PAFAH1B1: variants seen among roughly 807,000 people sequenced by gnomAD.
The protein encoded by PAFAH1B1 is platelet-activating factor acetylhydrolase IB subunit beta.
In PAFAH1B1, 2 loss-of-function variants were observed where a neutral mutation model predicts 57.5. The observed-to-expected ratio is 0.03, with a 90% confidence interval of 0.01 to 0.11. PAFAH1B1 has a LOEUF of 0.11. Among genes scored for constraint, PAFAH1B1 ranks in the 10% least tolerant of loss-of-function variants. The pLI, the probability that PAFAH1B1 is intolerant of heterozygous loss-of-function variation, is 1.00. For missense variants in PAFAH1B1, 257 were observed against 512.0 expected (o/e 0.50, Z 4.81); for synonymous variants, 152 against 169.6 (o/e 0.90, Z 0.81).
At chr17:2,632,075 T>G (rs2068562914) in intron 1 of PAFAH1B1, among the ~76,000 whole-genome samples, 1 of 152,162 alleles carries the variant, frequency 6.6e-6, no homozygotes, top group South Asian at 2.1e-4. Context: ...TTTACTTCGA[T>G]TTGATGTAGC....
At chr17:2,673,507 C>T (rs902316959) in intron 7 of PAFAH1B1, among the ~76,000 whole-genome samples, 5 of 151,932 alleles carry the variant, frequency 3.3e-5, no homozygotes, top group Non-Finnish European at 5.9e-5. Context: ...GGCGTGGTGG[C>T]GGGCGCCTGT....
chr17:2,610,004 T>C (rs1567526429), intron 1 of PAFAH1B1, among the ~76,000 whole-genome samples: 2 of 152,194 alleles, frequency 1.3e-5, no homozygotes, highest in African/African-American at 4.8e-5. Flanking sequence ...TTTGTATTTT[T>C]AGTAGAGGCA....
At chr17:2,639,891 A>G (rs2068674407) in intron 2 of PAFAH1B1, 1 of 151,938 alleles carries the variant, frequency 6.6e-6, no homozygotes, top group African/African-American at 2.4e-5. Flanking sequence ...TATGTTCTAT[A>G]TTTTTACAAT....
chr17:2,655,531 G>A (rs2068925284), intron 2 of PAFAH1B1, among the ~76,000 whole-genome samples: 1 of 152,142 alleles, frequency 6.6e-6, no homozygotes, highest in African/African-American at 2.4e-5. Flanking sequence ...AAAATTAGCT[G>A]GGTGTGGTGG....
intron 2 of PAFAH1B1, among the ~76,000 whole-genome samples, chr17:2,652,499 ACTTT>A: frequency 6.6e-6 from 1 of 152,332 alleles, no homozygotes; most frequent in Non-Finnish European, 1.5e-5. Context: ...GTTGTTGTTT[ACTTT>A]ATTGCTTTAA....
chr17:2,613,382 T>C (rs926335852), intron 1 of PAFAH1B1: 37 of 237,294 alleles, frequency 1.6e-4, no homozygotes, highest in African/African-American at 7.3e-4. Flanking sequence ...GCCCCCTTCA[T>C]AGGGGGAGGT....
chr17:2,615,839 T>A (rs1190520254), intron 1 of PAFAH1B1, among the ~76,000 whole-genome samples: 8 of 152,116 alleles, frequency 5.3e-5, no homozygotes, highest in Admixed American at 5.2e-4. Flanking sequence ...ACATGTTTGA[T>A]CAGTCTGGTG....
chr17:2,683,838 A>G lies in PAFAH1B1; in HGVS notation c.*2036A>G, dbSNP rs563150609. 1 of 152,776 alleles carries G rather than the reference A, an allele frequency of 6.5e-6. No homozygotes were observed. Among genetic ancestry groups the G allele is most frequent in the Admixed American group, 6.5e-5 (1 of 15,308 alleles). 9.5% of individuals were successfully genotyped at this position (152,776 alleles called of 1,614,324 possible). ...TATTTTCTGTCCTATTTTGAGAAAT[A>G]TAAATACATAGAAATGGTGCATCTT... On this transcript the variant is annotated 3_prime_UTR_variant, in exon 11 of 11. Coordinates refer to ENST00000397195, the MANE Select transcript of PAFAH1B1 (RefSeq NM_000430.4).
At chr17:2,650,244 G>T (rs2068830123) in intron 2 of PAFAH1B1, among the ~76,000 whole-genome samples, 1 of 152,108 alleles carries the variant, frequency 6.6e-6, no homozygotes, top group Non-Finnish European at 1.5e-5. Context: ...AGGTGCAGTG[G>T]CTCACGCCTG....
chr17:2,682,706 A>G lies in PAFAH1B1; in HGVS notation c.*904A>G, dbSNP rs2069402408. ...TGTTTTTTAGGGATGTGCAATGTGCATTACATAATGACAGAAATACTGAGA... is the reference window on the plus strand; with the variant it reads ...TGTTTTTTAGGGATGTGCAATGTGCGTTACATAATGACAGAAATACTGAGA... On this transcript the variant is annotated 3_prime_UTR_variant, in exon 11 of 11. Transcript: ENST00000397195. 6.5e-6 allele frequency: 1 copy of G among 152,680 alleles called. No individual in the cohort carries two copies. The highest frequency in any genetic ancestry group is 1.5e-5 in the Non-Finnish European group (1 of 68,052). 9.5% of individuals were successfully genotyped at this position (152,680 alleles called of 1,614,324 possible).
At chr17:2,658,742 G>T (rs914451200) in intron 2 of PAFAH1B1, among the ~76,000 whole-genome samples, 13 of 152,176 alleles carry the variant, frequency 8.5e-5, no homozygotes, top group African/African-American at 2.7e-4. Context: ...TGCTGAACTT[G>T]TACTTGTCCT....
intron 2 of PAFAH1B1, among the ~76,000 whole-genome samples, chr17:2,656,930 T>C (rs973263442): frequency 4.7e-5 from 7 of 148,420 alleles, no homozygotes; most frequent in African/African-American, 1.8e-4. Context: ...TTTAGAGCAG[T>C]TTTTTTTTTG....
At chr17:2,617,232 C>A (rs1440357280) in intron 1 of PAFAH1B1, among the ~76,000 whole-genome samples, 1 of 152,126 alleles carries the variant, frequency 6.6e-6, no homozygotes, top group Non-Finnish European at 1.5e-5. Flanking sequence ...GCAGCACTTG[C>A]CTTTAATACT....
rs189409941 is a variant in PAFAH1B1 at position 2,655,326 on chromosome 17, A to G, written c.33-10046A>G. Among the ~76,000 whole-genome samples, 824 of 152,128 alleles carry G rather than the reference A, an allele frequency of 5.4e-3. 6 individuals carry two copies. The highest frequency in any genetic ancestry group is 0.016 in the South Asian group (79 of 4,820). ...AAAGCCCTTTTACATACCACATCAC[A>G]TTGCATTTCACTGAAAGATGGAGGG... is the stretch of plus-strand genomic sequence containing the variant. On this transcript the variant is annotated intron_variant, in intron 2 of 10. Transcript: ENST00000397195.
intron 1 of PAFAH1B1, among the ~76,000 whole-genome samples, chr17:2,604,809 CA>C (rs369071733): frequency 1.4e-5 from 2 of 147,300 alleles, no homozygotes; most frequent in African/African-American, 2.5e-5. Context: ...GACTCTGTCT[CA>C]AAAAAAAAAT....
chr17:2,627,730 C>T (rs944985612), intron 1 of PAFAH1B1, among the ~76,000 whole-genome samples: 1 of 152,108 alleles, frequency 6.6e-6, no homozygotes, highest in East Asian at 1.9e-4. Context: ...GGATGTGTTT[C>T]CATTTGTTTG....
At chr17:2,607,573 C>T (rs2068220125) in intron 1 of PAFAH1B1, among the ~76,000 whole-genome samples, 1 of 152,012 alleles carries the variant, frequency 6.6e-6, no homozygotes, top group Non-Finnish European at 1.5e-5. Context: ...CAGCCTCCAC[C>T]TCCCAGGTTC....
intron 1 of PAFAH1B1, among the ~76,000 whole-genome samples, chr17:2,595,524 A>G (rs2068076176): frequency 6.6e-6 from 1 of 150,398 alleles, no homozygotes; most frequent in Non-Finnish European, 1.5e-5. Context: ...GATGTTGAAT[A>G]TATAGTAAAA....
chr17:2,611,101 GTCT>G (rs770889254), intron 1 of PAFAH1B1, among the ~76,000 whole-genome samples: 1 of 152,074 alleles, frequency 6.6e-6, no homozygotes, highest in Non-Finnish European at 1.5e-5. Context: ...ATCCTTGTCT[GTCT>G]TCTTCTCTGT....
Sources: gnomAD v4.1 joint callset for allele counts (sites outside exome capture counted in the v4.1 genomes callset) on GRCh38, gnomAD v4.1.1 for gene constraint, MANE v1.5 for transcripts, NCBI Gene and HGNC (gene_info 2026-07-23, HGNC 2026-07-21) for gene names.